The following NPAS2 variants were observed in gnomAD, a reference collection of about 807,000 sequenced individuals.
NPAS2 encodes the protein neuronal PAS domain protein 2.
NPAS2 carries 23 observed loss-of-function variants against 107.5 expected under a neutral mutation model. That is an observed-to-expected ratio of 0.21 (90% CI 0.15 to 0.30). The LOEUF is 0.30. Among genes scored for constraint, NPAS2 ranks in the 10% least tolerant of loss-of-function variants. NPAS2 has a pLI of 1.00. For synonymous variants in NPAS2, 403 were observed against 417.5 expected, an observed-to-expected ratio of 0.97 and a Z score of 0.42; for missense variants, 756 against 1,043.3, an observed-to-expected ratio of 0.72 and a Z score of 3.79.
chr2:100,874,214 A>G (rs1573517412), intron 1 of NPAS2, among the ~76,000 whole-genome samples: 1 of 151,860 alleles, frequency 6.6e-6, no homozygotes, highest in African/African-American at 2.4e-5. Flanking sequence ...CAAACTCATG[A>G]CCTCAAGCAA....
intron 16 of NPAS2, chr2:100,986,467 G>C (rs1456240600): frequency 6.6e-6 from 1 of 152,242 alleles, no homozygotes; most frequent in Non-Finnish European, 1.5e-5. Context: ...TACAGGAATG[G>C]GGTGAAAAAC....
At chr2:100,829,441 C>G (rs1359106667) in intron 1 of NPAS2, among the ~76,000 whole-genome samples, 2 of 152,134 alleles carry the variant, frequency 1.3e-5, no homozygotes, top group African/African-American at 4.8e-5. Context: ...TGATTTGGCT[C>G]TCAGTTTGGA....
At chr2:100,854,689 G>C (rs1434442401) in intron 1 of NPAS2, among the ~76,000 whole-genome samples, 1 of 152,220 alleles carries the variant, frequency 6.6e-6, no homozygotes, top group South Asian at 2.1e-4. Flanking sequence ...GAGGTGACAA[G>C]TACTGTGAGT....
intron 1 of NPAS2, among the ~76,000 whole-genome samples, chr2:100,852,256 G>A (rs1335426855): frequency 2.6e-5 from 4 of 152,012 alleles, no homozygotes; most frequent in African/African-American, 4.8e-5. Flanking sequence ...AATTAGCCGG[G>A]CGTGGTGGTG....
intron 1 of NPAS2, among the ~76,000 whole-genome samples, chr2:100,852,210 C>T (rs1050430730): frequency 8.6e-5 from 13 of 151,966 alleles, no homozygotes; most frequent in African/African-American, 2.4e-4. Context: ...TCCTGGCTAA[C>T]ACGGTGAAAC....
intron 1 of NPAS2, among the ~76,000 whole-genome samples, chr2:100,828,991 T>G (rs1356471182): frequency 6.6e-6 from 1 of 152,214 alleles, no homozygotes; most frequent in Non-Finnish European, 1.5e-5. Flanking sequence ...TTGGGCAGTA[T>G]GAGCATTTTA....
intron 5 of NPAS2, among the ~76,000 whole-genome samples, chr2:100,938,541 T>TCCTC (rs1267256959): frequency 4.2e-5 from 2 of 48,160 alleles, no homozygotes; most frequent in African/African-American, 1.1e-4. Flanking sequence ...TCTTATTCCC[T>TCCTC]CCTCCCTCCC....
At chr2:100,894,664 A>G (rs1318268246) in intron 1 of NPAS2, among the ~76,000 whole-genome samples, 1 of 152,226 alleles carries the variant, frequency 6.6e-6, no homozygotes, top group Non-Finnish European at 1.5e-5. Flanking sequence ...ATCAAAAGAA[A>G]AGGGTTAATG....
At chr2:100,957,389 T>C (rs571817999) in intron 7 of NPAS2, among the ~76,000 whole-genome samples, 18 of 152,272 alleles carry the variant, frequency 1.2e-4, no homozygotes, top group Admixed American at 3.9e-4. Context: ...CTTTTCTTCC[T>C]CTAATCAACT....
At chr2:100,832,163 G>C (rs889254150) in intron 1 of NPAS2, among the ~76,000 whole-genome samples, 1 of 152,118 alleles carries the variant, frequency 6.6e-6, no homozygotes, top group Non-Finnish European at 1.5e-5. Context: ...AGGCACATCG[G>C]CATTCTATCA....
rs1273175523 is a variant in NPAS2 at position 100,964,955 on chromosome 2, GA to G, written c.800+17del. 1 of 1,544,348 alleles carries G rather than the reference GA, an allele frequency of 6.5e-7. No homozygotes were observed. Among genetic ancestry groups the G allele is most frequent in the Non-Finnish European group, 8.7e-7 (1 of 1,150,822 alleles). On this transcript the variant is annotated intron_variant, in intron 9 of 20. Transcript: ENST00000335681. ...TTTCTGGATCACAGGTTTGAGAAAA[GA>G]AAAACATATTTGGGTTGGGCCCTTC...
chr2:100,823,758 G>C (rs1206083652), intron 1 of NPAS2: 4 of 152,246 alleles, frequency 2.6e-5, no homozygotes, highest in African/African-American at 9.7e-5. Flanking sequence ...GTGGCAGGGA[G>C]AGAGAGAGGG....
chr2:100,875,840 G>A (rs1209374514), intron 1 of NPAS2, among the ~76,000 whole-genome samples: 3 of 152,150 alleles, frequency 2.0e-5, no homozygotes, highest in Non-Finnish European at 4.4e-5. Context: ...AACAAAAGGG[G>A]AGACGGATGA....
intron 2 of NPAS2, among the ~76,000 whole-genome samples, chr2:100,923,911 G>T (rs1341224882): frequency 2.6e-5 from 4 of 152,086 alleles, no homozygotes; most frequent in Non-Finnish European, 5.9e-5. Flanking sequence ...CTTGTTCGTT[G>T]TTAATTAGAG....
At chr2:100,991,959 C>G in intron 19 of NPAS2, among the ~76,000 whole-genome samples, 1 of 152,156 alleles carries the variant, frequency 6.6e-6, no homozygotes, top group African/African-American at 2.4e-5. Context: ...AGCCTCTGCC[C>G]CTGAGACTTT....
chr2:100,891,284 T>C (rs1418244554), intron 1 of NPAS2, among the ~76,000 whole-genome samples: 2 of 149,966 alleles, frequency 1.3e-5, no homozygotes, highest in Non-Finnish European at 3.0e-5. Flanking sequence ...TGGTGCAACA[T>C]GAGGGTGCTT....
intron 1 of NPAS2, among the ~76,000 whole-genome samples, chr2:100,826,719 C>G (rs539087020): frequency 3.7e-4 from 54 of 145,204 alleles, no homozygotes; most frequent in Middle Eastern, 3.4e-3. Flanking sequence ...ATTATTAGGC[C>G]TGGGTAAAGG....
chr2:100,896,639 A>G (rs936873317), intron 1 of NPAS2, among the ~76,000 whole-genome samples: 2 of 152,204 alleles, frequency 1.3e-5, no homozygotes, highest in Non-Finnish European at 2.9e-5. Context: ...TAGCTCCTGC[A>G]CATGCAGAAG....
In NPAS2 at chr2:100,990,526, C is replaced by A; in HGVS notation, c.2018+80C>A. On this transcript the variant is annotated intron_variant, in intron 18 of 20. Transcript: ENST00000335681. Reference sequence around the variant, plus strand: ...TTTCAGCTCTACTTTCTGCTTTAGACGGAGGCAGAGTTCAGACAGATTCTA... The same window carrying A: ...TTTCAGCTCTACTTTCTGCTTTAGAAGGAGGCAGAGTTCAGACAGATTCTA... The A allele has an allele frequency of 6.9e-7, 1 of 1,451,342 alleles. No individual in the cohort carries two copies. Among genetic ancestry groups the A allele is most frequent in the Non-Finnish European group, 9.6e-7 (1 of 1,043,016 alleles). The allele number at this position is 1,451,342 out of a possible 1,614,324, so 89.9% of individuals were successfully genotyped here.
Sources: gnomAD v4.1 joint callset for allele counts (sites outside exome capture counted in the v4.1 genomes callset) on GRCh38, gnomAD v4.1.1 for gene constraint, MANE v1.5 for transcripts, NCBI Gene and HGNC (gene_info 2026-07-23, HGNC 2026-07-21) for gene names.